Variants in ESRRB observed in about 807,000 individuals in gnomAD.
The protein encoded by ESRRB is estrogen related receptor beta.
ESRRB carries 16 observed loss-of-function variants against 46.0 expected under a neutral mutation model. The observed-to-expected ratio is 0.35, with a 90% confidence interval of 0.24 to 0.53. The LOEUF is 0.53. ESRRB is among the 20% of genes least tolerant of loss of function. The probability of loss-of-function intolerance (pLI) is 0.93; values close to 1 mark genes in which losing one functional copy is unlikely to be tolerated. For synonymous variants in ESRRB, 246 were observed against 259.6 expected (o/e 0.95, Z 0.50); for missense variants, 488 against 607.4 (o/e 0.80, Z 2.07).
At chr14:76,400,086 G>C (rs1328670257) in intron 1 of ESRRB, among the ~76,000 whole-genome samples, 2 of 152,216 alleles carry the variant, frequency 1.3e-5, no homozygotes, top group Non-Finnish European at 2.9e-5. Context: ...GAATGAGCCA[G>C]AGCTTGCAAG....
intron 1 of ESRRB, among the ~76,000 whole-genome samples, chr14:76,332,240 C>G (rs925674637): frequency 1.3e-5 from 2 of 150,998 alleles, no homozygotes; most frequent in African/African-American, 4.9e-5. Context: ...TCTGCGTGGG[C>G]TGGAGCAGTT....
intron 1 of ESRRB, among the ~76,000 whole-genome samples, chr14:76,394,169 C>T (rs1437145011): frequency 6.6e-6 from 1 of 151,956 alleles, no homozygotes; most frequent in Non-Finnish European, 1.5e-5. Context: ...AGAGATTGTG[C>T]CTGTGTCAGG....
At chr14:76,380,594 C>T (rs780442103) in intron 1 of ESRRB, among the ~76,000 whole-genome samples, 22 of 152,338 alleles carry the variant, frequency 1.4e-4, no homozygotes, top group Non-Finnish European at 2.8e-4. Context: ...CGGCCATCAT[C>T]GAGTCTCTGT....
At chr14:76,468,486 C>A (rs1234519478) in intron 3 of ESRRB, among the ~76,000 whole-genome samples, 1 of 149,730 alleles carries the variant, frequency 6.7e-6, no homozygotes, top group Non-Finnish European at 1.5e-5. Flanking sequence ...CTTTGGGCCA[C>A]TCAGCCACAA....
chr14:76,414,950 T>TC (rs1319971957), intron 1 of ESRRB, among the ~76,000 whole-genome samples: 3 of 152,228 alleles, frequency 2.0e-5, no homozygotes, highest in South Asian at 4.2e-4. Context: ...AGCCTCTGAA[T>TC]CCCCTCACTT....
At chr14:76,439,955 G>C (rs765838191) in intron 2 of ESRRB, among the ~76,000 whole-genome samples, 1 of 152,044 alleles carries the variant, frequency 6.6e-6, no homozygotes, top group African/African-American at 2.4e-5. Flanking sequence ...GATGACACGC[G>C]TTCCCCACCC....
At chr14:76,368,570 T>G (rs1884553945), upstream of ESRRB, among the ~76,000 whole-genome samples, 1 of 152,192 alleles carries the variant, frequency 6.6e-6, no homozygotes. Flanking sequence ...TATTAAATCT[T>G]GTAGTGGTGA....
At chr14:76,435,067 G>A (rs566872166) in intron 1 of ESRRB, among the ~76,000 whole-genome samples, 2 of 152,340 alleles carry the variant, frequency 1.3e-5, no homozygotes, top group Non-Finnish European at 2.9e-5. Flanking sequence ...CGGACAGGCT[G>A]TGAGGATTAA....
rs1197510689 is a variant in ESRRB, at chr14:76,482,434, C to G, written c.689-164C>G. On this transcript the variant is annotated intron_variant, in intron 4 of 6. Coordinates refer to ENST00000644823, the MANE Select transcript of ESRRB (RefSeq NM_001379180.1). This position sits in a 1 kb window ranked among gnomAD's most constrained non-coding sequence, Gnocchi z 4.3. ...TATTTCTCAACAGCCCAGATCACCA[C>G]TACCAGCAACTTCATGGAGCCAGAA... is the stretch of plus-strand genomic sequence containing the variant. 1.3e-5 allele frequency among the ~76,000 whole-genome samples: 2 copies of G among 152,190 alleles called. No homozygotes were observed. Among genetic ancestry groups the G allele is most frequent in the Non-Finnish European group, 2.9e-5 (2 of 68,026 alleles).
chr14:76,363,570 G>C (rs982157819), intron 1 of ESRRB, among the ~76,000 whole-genome samples: 1 of 152,162 alleles, frequency 6.6e-6, no homozygotes, highest in East Asian at 1.9e-4. Context: ...TCAGCGCTGA[G>C]AGCACACCTC....
At chr14:76,367,269 T>C (rs1235670833), upstream of ESRRB, among the ~76,000 whole-genome samples, 1 of 151,886 alleles carries the variant, frequency 6.6e-6, no homozygotes, top group Non-Finnish European at 1.5e-5. Context: ...AAAAAAAAAT[T>C]GACTGGGCAC....
rs960685686 is a variant in ESRRB, at chr14:76,492,625, A to G, written c.1120+909A>G. On this transcript the variant is annotated intron_variant, in intron 6 of 6. Transcript: ENST00000644823. The stretch of plus-strand genomic sequence containing the variant: ...ACACAGTTAAAAAGTGTCAGAGTTA[A>G]GAGTCAAACCAAGGTCCTCTGATTC... Among the ~76,000 whole-genome samples the G allele has an allele frequency of 3.9e-5, 6 of 152,260 alleles. No individual in the cohort carries two copies. In the East Asian group the frequency reaches 1.2e-3, roughly 29 times the overall value.
At chr14:76,405,318 GCCAGGCTGGTCTCAAACT>G (rs1886134519) in intron 1 of ESRRB, among the ~76,000 whole-genome samples, 1 of 152,024 alleles carries the variant, frequency 6.6e-6, no homozygotes, top group Admixed American at 6.6e-5. Context: ...TGCTGTGTTG[GCCAGGCTGGTCTCAAACT>G]CCTGCCCTCT....
intron 3 of ESRRB, among the ~76,000 whole-genome samples, chr14:76,463,591 C>T (rs1468349059): frequency 3.3e-5 from 5 of 151,454 alleles, no homozygotes; most frequent in East Asian, 1.9e-4. Context: ...GGACTACAGG[C>T]GCCCGCCACC....
At chr14:76,429,616 G>A (rs1409959536) in intron 1 of ESRRB, among the ~76,000 whole-genome samples, 3 of 152,138 alleles carry the variant, frequency 2.0e-5, no homozygotes, top group Admixed American at 6.6e-5. Context: ...TGGGTGTGGT[G>A]GCTCATGCCT....
chr14:76,380,729 A>C (rs911982402), intron 1 of ESRRB, among the ~76,000 whole-genome samples: 1 of 152,080 alleles, frequency 6.6e-6, no homozygotes, highest in Non-Finnish European at 1.5e-5. Context: ...GTGGCTCTTG[A>C]CTGAATGTTA....
intron 1 of ESRRB, among the ~76,000 whole-genome samples, chr14:76,354,459 T>C (rs1032115307): frequency 1.3e-5 from 2 of 152,038 alleles, no homozygotes; most frequent in Non-Finnish European, 2.9e-5. Flanking sequence ...CATTGCACTC[T>C]GAAGGGGGAG....
chr14:76,379,411 G>T (rs1884915006), intron 1 of ESRRB, among the ~76,000 whole-genome samples: 1 of 152,160 alleles, frequency 6.6e-6, no homozygotes, highest in Non-Finnish European at 1.5e-5. Flanking sequence ...AAATTGTCCT[G>T]AAGGTAAAAT....
intron 1 of ESRRB, among the ~76,000 whole-genome samples, chr14:76,332,975 TCTATATA>T (rs2139740762): frequency 2.3e-5 from 1 of 43,678 alleles, no homozygotes; most frequent in Non-Finnish European, 3.8e-5. Flanking sequence ...ATATTATATA[TCTATATA>T]TTATATATTT....
Sources: gnomAD v4.1 joint callset for allele counts (sites outside exome capture counted in the v4.1 genomes callset) on GRCh38, gnomAD v4.1.1 for gene constraint, Gnocchi (gnomAD v3.1) non-coding constraint, MANE v1.5 for transcripts, NCBI Gene and HGNC (gene_info 2026-07-23, HGNC 2026-07-21) for gene names.